The following GULP1 variants were observed in gnomAD, a reference collection of about 807,000 sequenced individuals.
The protein encoded by GULP1 is GULP PTB domain containing engulfment adaptor 1, also known as PTB domain-containing engulfment adapter protein 1.
A neutral mutation model predicts 40.9 loss-of-function variants in GULP1; 19 were observed. The ratio of observed to expected loss-of-function variants is 0.46; its 90% confidence interval spans 0.32 to 0.68. The LOEUF (loss-of-function observed/expected upper bound fraction) is 0.68, where lower values mean the gene tolerates loss of function less well. Ranked by LOEUF, GULP1 falls within the 30% of genes least tolerant of loss-of-function variation. GULP1 has a pLI of 0.03. For synonymous variants in GULP1, 119 were observed against 117.6 expected, an observed-to-expected ratio of 1.01 and a Z score of -0.08; for missense variants, 312 against 362.2, an observed-to-expected ratio of 0.86 and a Z score of 1.12.
chr2:188,490,861 T>C (rs2062310592), intron 4 of GULP1, among the ~76,000 whole-genome samples: 1 of 152,090 alleles, frequency 6.6e-6, no homozygotes, highest in African/African-American at 2.4e-5. Context: ...TGAAATGCAG[T>C]GGCACAATTT....
intron 9 of GULP1, 40 bp downstream of exon 9, chr2:188,570,160 T>C: frequency 1.2e-6 from 1 of 815,634 alleles, no homozygotes; most frequent in Non-Finnish European, 2.1e-6. Flanking sequence ...GATTTTATGG[T>C]GATAAAACAT....
chr2:188,461,006 T>A (rs1017229795), intron 2 of GULP1, among the ~76,000 whole-genome samples: 1 of 152,226 alleles, frequency 6.6e-6, no homozygotes, highest in East Asian at 1.9e-4. Flanking sequence ...TGATGAATAA[T>A]CTTTTAAATG....
chr2:188,478,248 T>C (rs964758433), intron 3 of GULP1, among the ~76,000 whole-genome samples: 23 of 152,222 alleles, frequency 1.5e-4, no homozygotes, highest in African/African-American at 5.1e-4. Flanking sequence ...GAATGTAGTA[T>C]ATTATAGTGA....
chr2:188,515,412 A>C (rs539186556), intron 4 of GULP1, among the ~76,000 whole-genome samples: 28 of 152,236 alleles, frequency 1.8e-4, no homozygotes, highest in Middle Eastern at 3.4e-3. Flanking sequence ...TCCCGAATCC[A>C]CATGTTCTCT....
intron 7 of GULP1, among the ~76,000 whole-genome samples, chr2:188,562,256 G>T (rs1035253570): frequency 1.3e-5 from 2 of 152,114 alleles, no homozygotes; most frequent in Non-Finnish European, 2.9e-5. Flanking sequence ...TCAGGAGTTG[G>T]GAGCATTGAG....
chr2:188,593,972 C>G lies in GULP1; in HGVS notation c.876C>G (p.Gly292=), dbSNP rs372283829. 70 of 1,599,742 alleles carry G rather than the reference C, an allele frequency of 4.4e-5. No homozygotes were observed. Among genetic ancestry groups the G allele is most frequent in the Non-Finnish European group, 5.9e-5 (69 of 1,167,824 alleles). The part of the protein sequence containing the change: ...EGFKMGLTLE[G]TVFCLDPLDS... ...TCAAAATGGGACTAACTCTTGAAGG[C>G]ACAGTATTTTGTCTCGACCCGTTAG... is the stretch of plus-strand genomic sequence containing the variant. The change falls in exon 12 of 12, where the codon GGC becomes GGG. Residue 292 remains glycine, a synonymous_variant. Coordinates refer to ENST00000409830, the MANE Select transcript of GULP1 (RefSeq NM_016315.4).
intron 2 of GULP1, among the ~76,000 whole-genome samples, chr2:188,448,281 A>T (rs1295974528): frequency 6.6e-6 from 1 of 152,228 alleles, no homozygotes; most frequent in African/African-American, 2.4e-5. Context: ...CACTGTTATA[A>T]TCAATCAGGA....
chr2:188,297,331 T>A (rs1207036090), intron 1 of GULP1, among the ~76,000 whole-genome samples: 1 of 152,060 alleles, frequency 6.6e-6, no homozygotes, highest in African/African-American at 2.4e-5. Context: ...ACATGTACAG[T>A]TAACTACTGT....
chr2:188,588,885 G>A (rs1400355814), intron 11 of GULP1: 14 of 152,036 alleles, frequency 9.2e-5, no homozygotes, highest in Admixed American at 5.2e-4. Flanking sequence ...ACTCATTTTT[G>A]ACTGCAGCTG....
intron 1 of GULP1, among the ~76,000 whole-genome samples, chr2:188,353,390 G>A (rs1404792422): frequency 6.6e-6 from 1 of 151,926 alleles, no homozygotes; most frequent in Non-Finnish European, 1.5e-5. Flanking sequence ...AACTTGCAAG[G>A]CCGCTCTCTG....
chr2:188,413,885 G>C (rs1418709218), intron 2 of GULP1, among the ~76,000 whole-genome samples: 6 of 152,110 alleles, frequency 3.9e-5, no homozygotes, highest in Non-Finnish European at 8.8e-5. Context: ...TGTTCAAAAT[G>C]AATTTTTTAA....
At chr2:188,320,771 T>C (rs2039854783) in intron 1 of GULP1, among the ~76,000 whole-genome samples, 1 of 152,046 alleles carries the variant, frequency 6.6e-6, no homozygotes, top group South Asian at 2.1e-4. Context: ...GGAAATAACA[T>C]AAACTAAAAT....
intron 1 of GULP1, among the ~76,000 whole-genome samples, chr2:188,363,093 AATCTTTATT>A (rs1222216139): frequency 6.6e-6 from 1 of 152,100 alleles, no homozygotes; most frequent in Non-Finnish European, 1.5e-5. Context: ...ATGACTACTT[AATCTTTATT>A]ATCTTTTAAA....
chr2:188,356,138 T>G (rs2045278573), intron 1 of GULP1, among the ~76,000 whole-genome samples: 1 of 152,098 alleles, frequency 6.6e-6, no homozygotes, highest in South Asian at 2.1e-4. Context: ...AAGACAAAGA[T>G]GTCCGTTTTC....
chr2:188,296,108 G>A (rs1032155880), intron 1 of GULP1, among the ~76,000 whole-genome samples: 6 of 151,990 alleles, frequency 3.9e-5, no homozygotes, highest in Non-Finnish European at 8.8e-5. Context: ...GTCCCTAAAC[G>A]TATTAGAGGC....
Position 188,477,697 on chromosome 2 carries a change from C to G in GULP1, c.-6C>G. On this transcript the variant is annotated 5_prime_UTR_variant, in exon 3 of 12. Transcript: ENST00000409830. ...GAACTGAACATTTATTTGGCTGATC[C>G]TCATCATGAACCGTGCTTTTAGCAG... The G allele has an allele frequency of 6.3e-7, 1 of 1,593,794 alleles. No individual in the cohort carries two copies. The highest frequency in any genetic ancestry group is 2.3e-5 in the East Asian group (1 of 43,774).
At chr2:188,588,333 A>G (rs1702832222) in intron 11 of GULP1, 1 of 192,464 alleles carries the variant, frequency 5.2e-6, no homozygotes, top group Non-Finnish European at 1.1e-5. Context: ...ATGAAGGAAA[A>G]TCTTTGTAAG....
chr2:188,518,219 T>C (rs1183286483), intron 4 of GULP1, among the ~76,000 whole-genome samples: 1 of 152,038 alleles, frequency 6.6e-6, no homozygotes, highest in African/African-American at 2.4e-5. Flanking sequence ...GTGCATATGA[T>C]TTATTAAGGG....
intron 5 of GULP1, among the ~76,000 whole-genome samples, chr2:188,524,143 A>T (rs1685537772): frequency 6.6e-6 from 1 of 152,200 alleles, no homozygotes; most frequent in Non-Finnish European, 1.5e-5. Context: ...TTTATGAAAG[A>T]ACAATGTTAT....
Sources: gnomAD v4.1 joint callset for allele counts (sites outside exome capture counted in the v4.1 genomes callset) on GRCh38, gnomAD v4.1.1 for gene constraint, MANE v1.5 for transcripts, NCBI Gene and HGNC (gene_info 2026-07-23, HGNC 2026-07-21) for gene names.